NTRK2: variants seen among roughly 807,000 people sequenced by gnomAD.
NTRK2 encodes the protein neurotrophic receptor tyrosine kinase 2, also known as BDNF/NT-3 growth factors receptor.
A neutral mutation model predicts 94.5 loss-of-function variants in NTRK2; 13 were observed. The ratio of observed to expected loss-of-function variants is 0.14; its 90% CI spans 0.09 to 0.22. NTRK2 has a LOEUF of 0.22. NTRK2 is among the 10% of genes least tolerant of loss of function. The pLI, the probability that NTRK2 is intolerant of heterozygous loss-of-function variation, is 1.00. For missense variants in NTRK2, 639 were observed against 1,071.2 expected (o/e 0.60, Z 5.63); for synonymous variants, 372 against 407.4 (o/e 0.91, Z 1.05).
Position 84,958,695 on chromosome 9 carries a change from A to C in NTRK2, c.2172+3178A>C, listed in dbSNP as rs1824494889. On this transcript the variant is annotated intron_variant, in intron 17 of 18. Transcript: ENST00000277120. ...ATGGGCAAGACTGGGTAGGGAAGTG[A>C]AGGATGGATGCAAAACCTGACAATT... is the stretch of plus-strand genomic sequence containing the variant. Among the ~76,000 whole-genome samples the C allele has an allele frequency of 2.0e-5, 3 of 152,320 alleles. No individual in the cohort carries two copies. In the South Asian group the frequency reaches 6.2e-4, roughly 32 times the overall value.
At chr9:84,967,078 G>A (rs1037172272) in intron 17 of NTRK2, among the ~76,000 whole-genome samples, 3 of 152,130 alleles carry the variant, frequency 2.0e-5, no homozygotes, top group South Asian at 4.1e-4. Flanking sequence ...TATTTCTTAC[G>A]GTATCAGTTA....
intron 12 of NTRK2, among the ~76,000 whole-genome samples, chr9:84,788,925 G>A (rs1157640082): frequency 2.0e-5 from 3 of 152,188 alleles, no homozygotes; most frequent in Non-Finnish European, 4.4e-5. Context: ...CTAGAGGTAA[G>A]TAGCGCATCC....
At chr9:84,769,521 A>G (rs2066332068) in intron 12 of NTRK2, among the ~76,000 whole-genome samples, 1 of 152,222 alleles carries the variant, frequency 6.6e-6, no homozygotes, top group Non-Finnish European at 1.5e-5. Flanking sequence ...ATCTGTGTTA[A>G]CCAAATGCAT....
intron 12 of NTRK2, among the ~76,000 whole-genome samples, chr9:84,820,905 C>T (rs1243267856): frequency 6.6e-6 from 1 of 152,174 alleles, no homozygotes; most frequent in Non-Finnish European, 1.5e-5. Flanking sequence ...AGGGCACACA[C>T]ATCAGATTTG....
intron 12 of NTRK2, chr9:84,813,801 G>T: frequency 9.4e-7 from 1 of 1,065,786 alleles, no homozygotes; most frequent in Non-Finnish European, 1.1e-6. Flanking sequence ...GTCAGGTGCT[G>T]CCAGGTTTAG....
rs1160210693 is a variant in NTRK2, at chr9:84,901,179, ATTTTG to A, written c.1634-32958_1634-32954del. ...ATAGCTCTGTTACAACTTTCATTTT[ATTTTG>A]TTTTGTTTTGTTTTGTTTTGTTTTA... is the stretch of plus-strand genomic sequence containing the variant. On this transcript the variant is annotated intron_variant, in intron 14 of 18. Transcript: ENST00000277120. Among the ~76,000 whole-genome samples, 84 of 145,790 alleles carry A rather than the reference ATTTTG, an allele frequency of 5.8e-4. 4 individuals carry two copies. The highest frequency in any genetic ancestry group is 1.2e-3 in the East Asian group (6 of 4,984).
rs1332713570 is a variant in NTRK2, at chr9:84,752,008, C to T, written c.1319C>T (p.Ala440Val). The T allele has an allele frequency of 6.8e-6, 11 of 1,613,798 alleles. No homozygotes were observed. The highest frequency in any genetic ancestry group is 3.3e-4 in the Middle Eastern group (2 of 6,084). Residue 440 changes from alanine (A) to valine (V), a missense_variant, in exon 12 of 19, where the codon GCG becomes GTG. Coordinates refer to ENST00000277120, the MANE Select transcript of NTRK2 (RefSeq NM_006180.6). The part of the protein sequence containing the change: ...HLSVYAVVVI[A>V]SVVGFCLLVM... ...TAGGTCTATGCTGTGGTGGTGATTG[C>T]GTCTGTGGTGGGATTTTGCCTTTTG...
intron 12 of NTRK2, among the ~76,000 whole-genome samples, chr9:84,787,306 CAAACAAACAAACA>C (rs994550913): frequency 2.6e-5 from 4 of 151,492 alleles, no homozygotes; most frequent in Non-Finnish European, 5.9e-5. Context: ...CTAAAACAAA[CAAACAAACAAACA>C]AAACAAACAA....
intron 11 of NTRK2, among the ~76,000 whole-genome samples, chr9:84,749,020 G>A (rs1245998822): frequency 6.6e-6 from 1 of 152,078 alleles, no homozygotes; most frequent in Admixed American, 6.5e-5. Context: ...CCTGAGGTTG[G>A]GAGTTCGAGA....
At chr9:84,993,660 G>T (rs1380921425) in intron 17 of NTRK2, among the ~76,000 whole-genome samples, 1 of 152,150 alleles carries the variant, frequency 6.6e-6, no homozygotes, top group Non-Finnish European at 1.5e-5. Flanking sequence ...GGAAAAAAGT[G>T]AAATCCTTTC....
chr9:84,675,274 G>A (rs2058966242), intron 2 of NTRK2, among the ~76,000 whole-genome samples: 1 of 147,454 alleles, frequency 6.8e-6, no homozygotes, highest in African/African-American at 2.5e-5. Flanking sequence ...TTGTTTAGCT[G>A]GGGAAGGGGA....
At chr9:84,997,591 G>T (rs1470780505) in intron 17 of NTRK2, among the ~76,000 whole-genome samples, 3 of 152,178 alleles carry the variant, frequency 2.0e-5, no homozygotes, top group African/African-American at 7.2e-5. Context: ...GTACTTGTGG[G>T]TCAGCTCCCC....
At chr9:84,742,864 G>T (rs567511806) in intron 10 of NTRK2, among the ~76,000 whole-genome samples, 17 of 134,414 alleles carry the variant, frequency 1.3e-4, no homozygotes, top group Non-Finnish European at 1.8e-4. Flanking sequence ...CCAGTGGCGC[G>T]ATCTATGCTC....
intron 14 of NTRK2, among the ~76,000 whole-genome samples, chr9:84,917,920 A>G (rs1033861570): frequency 1.3e-5 from 2 of 152,136 alleles, no homozygotes; most frequent in African/African-American, 2.4e-5. Context: ...TGACAGAGTA[A>G]TGTGACTTCA....
chr9:84,821,490 A>G (rs181729234), intron 12 of NTRK2, among the ~76,000 whole-genome samples: 2 of 152,220 alleles, frequency 1.3e-5, no homozygotes, highest in African/African-American at 4.8e-5. Context: ...AAAACTTTCC[A>G]TGTTGTATTT....
chr9:84,726,907 T>C (rs1339959563), intron 8 of NTRK2, among the ~76,000 whole-genome samples: 2 of 152,232 alleles, frequency 1.3e-5, no homozygotes, highest in Non-Finnish European at 2.9e-5. Context: ...ATAATGTTTG[T>C]TTCCCCAAAG....
At chr9:84,806,131 G>A (rs2071082109) in intron 12 of NTRK2, among the ~76,000 whole-genome samples, 1 of 152,204 alleles carries the variant, frequency 6.6e-6, no homozygotes, top group Non-Finnish European at 1.5e-5. Context: ...GCCATGTTGA[G>A]CATAGAAAAT....
chr9:84,781,350 T>C (rs1038705394), intron 12 of NTRK2, among the ~76,000 whole-genome samples: 6 of 152,200 alleles, frequency 3.9e-5, no homozygotes, highest in African/African-American at 1.4e-4. Context: ...TTTTTATGTA[T>C]ATGTTTTGTT....
chr9:84,989,265 C>G (rs1031410319), intron 17 of NTRK2, among the ~76,000 whole-genome samples: 27 of 152,326 alleles, frequency 1.8e-4, no homozygotes, highest in African/African-American at 6.3e-4. Context: ...AAAATTATCT[C>G]TTTATATTCT....
Sources: gnomAD v4.1 joint callset for allele counts (sites outside exome capture counted in the v4.1 genomes callset) on GRCh38, gnomAD v4.1.1 for gene constraint, MANE v1.5 for transcripts, NCBI Gene and HGNC (gene_info 2026-07-23, HGNC 2026-07-21) for gene names.